Variants in SLC41A3 observed in about 807,000 individuals in gnomAD.
SLC41A3 encodes solute carrier family 41 member 3, also known as SLC41A1-like 2.
SLC41A3 carries 44 observed loss-of-function variants against 45.4 expected under a neutral mutation model. The ratio of observed to expected loss-of-function variants is 0.97; its 90% CI spans 0.76 to 1.25. The LOEUF is 1.25. Among genes scored for constraint, SLC41A3 ranks in the 50% most tolerant of loss-of-function variants. The probability of loss-of-function intolerance (pLI) is 0.00; values close to 1 mark genes in which losing one functional copy is unlikely to be tolerated. For synonymous variants in SLC41A3, 256 were observed against 252.4 expected (o/e 1.01, Z -0.13); for missense variants, 550 against 600.6 (o/e 0.92, Z 0.88).
At chr3:126,073,625 G>T (rs1162301751) in intron 1 of SLC41A3, among the ~76,000 whole-genome samples, 2 of 152,026 alleles carry the variant, frequency 1.3e-5, no homozygotes, top group Non-Finnish European at 2.9e-5. Context: ...AAACCTAGAT[G>T]AAATGTACAA....
At chr3:126,085,443 A>G (rs998777761), upstream of SLC41A3, 7 of 152,210 alleles carry the variant, frequency 4.6e-5, no homozygotes, top group African/African-American at 1.7e-4. Context: ...CTGAACTCGG[A>G]GCGAAGATAC....
At chr3:126,008,194 T>G (rs1580372775) in intron 10 of SLC41A3, among the ~76,000 whole-genome samples, 2 of 152,382 alleles carry the variant, frequency 1.3e-5, no homozygotes, top group Non-Finnish European at 2.9e-5. Flanking sequence ...GTGTGCCGTG[T>G]CTAGCATGCA....
chr3:126,056,888 A>C (rs990004961), intron 2 of SLC41A3: 7 of 1,149,296 alleles, frequency 6.1e-6, no homozygotes, highest in Non-Finnish European at 1.1e-6. Flanking sequence ...ATGGAGGCTC[A>C]TGGTCCCTCT....
At chr3:126,091,698 T>C (rs1273304153) in intron 1 of SLC41A3, among the ~76,000 whole-genome samples, 1 of 152,126 alleles carries the variant, frequency 6.6e-6, no homozygotes, top group Non-Finnish European at 1.5e-5. Context: ...GAAAAAGACA[T>C]GGAAAGGGAA....
chr3:126,038,829 C>T lies in SLC41A3; in HGVS notation c.382-5151G>A, dbSNP rs186646678. Among the ~76,000 whole-genome samples, 236 of 152,220 alleles carry T rather than the reference C, an allele frequency of 1.6e-3. 1 individual carries two copies. The highest frequency in any genetic ancestry group is 5.1e-3 in the African/African-American group (212 of 41,544). ...ATCTGGTTTGGATATTTATCCCTTC[C>T]AAATCTCATGTTGAAATGTGATCCC... On this transcript the variant is annotated intron_variant, in intron 3 of 10. Transcript: ENST00000360370.
intron 2 of SLC41A3, among the ~76,000 whole-genome samples, chr3:126,066,071 C>T (rs1322409175): frequency 5.3e-5 from 8 of 152,168 alleles, no homozygotes; most frequent in Admixed American, 5.2e-4. Flanking sequence ...TGATTCTCAC[C>T]AACAGAAGCA....
Position 126,026,553 on chromosome 3 carries a change from C to G in SLC41A3, c.454-74G>C. The G allele has an allele frequency of 6.5e-7, 1 of 1,543,316 alleles. No individual in the cohort carries two copies. The highest frequency in any genetic ancestry group is 1.4e-5 in the African/African-American group (1 of 73,426). The stretch of plus-strand genomic sequence containing the variant: ...CACACTCCCTGCCCTTCACACCTCA[C>G]TCACCGCAAGGGGCCGGGTGCCACA... On this transcript the variant is annotated intron_variant, in intron 4 of 10. Coordinates refer to ENST00000360370, the MANE Select transcript of SLC41A3 (RefSeq NM_017836.4). This position sits in a 1 kb window ranked among gnomAD's most constrained non-coding sequence, Gnocchi z 4.2.
At chr3:126,049,204 G>A (rs1304645025) in intron 3 of SLC41A3, among the ~76,000 whole-genome samples, 4 of 151,482 alleles carry the variant, frequency 2.6e-5, no homozygotes, top group Non-Finnish European at 5.9e-5. Flanking sequence ...ATGTAGTTAC[G>A]GGCTGGGCAC....
At chr3:126,041,444 C>A (rs1440939339) in intron 3 of SLC41A3, among the ~76,000 whole-genome samples, 2 of 152,080 alleles carry the variant, frequency 1.3e-5, no homozygotes, top group Non-Finnish European at 2.9e-5. Flanking sequence ...AGAAAAAAAT[C>A]TCCAAAAAGT....
At chr3:126,087,263 T>G (rs995731421), upstream of SLC41A3, among the ~76,000 whole-genome samples, 4 of 152,098 alleles carry the variant, frequency 2.6e-5, no homozygotes, top group Non-Finnish European at 5.9e-5. Flanking sequence ...AAGTTCATTA[T>G]TGAAGTAAAC....
At chr3:126,023,063 C>T in intron 5 of SLC41A3, 131 bp from the exon 6 acceptor site, 1 of 1,251,004 alleles carries the variant, frequency 8.0e-7, no homozygotes. Context: ...TGCTCATTAA[C>T]TTGCCTCCCT....
At chr3:126,078,814 T>C (rs1559889797) in intron 1 of SLC41A3, among the ~76,000 whole-genome samples, 1 of 152,074 alleles carries the variant, frequency 6.6e-6, no homozygotes, top group Non-Finnish European at 1.5e-5. Flanking sequence ...CCTCAGTTTC[T>C]CCCCTCTACC....
In SLC41A3 at chr3:126,006,792, T is replaced by C; in HGVS notation, c.*224A>G. The C allele has an allele frequency of 6.9e-7, 1 of 1,443,252 alleles. No individual in the cohort carries two copies. The highest frequency in any genetic ancestry group is 2.8e-5 in the Admixed American group (1 of 35,154). The allele number at this position is 1,443,252 out of a possible 1,614,324, so 89.4% of individuals were successfully genotyped here. A position where few individuals can be genotyped will look rare whatever the true frequency, so the allele number is the denominator to read the frequency against. ...GCTCATTAAGCATGTGCACACATCA[T>C]ATTCACACACTCAAGCCATGCTCTT... On this transcript the variant is annotated 3_prime_UTR_variant, in exon 11 of 11. Transcript: ENST00000360370.
intron 6 of SLC41A3, among the ~76,000 whole-genome samples, chr3:126,021,628 C>G (rs1940890951): frequency 6.6e-6 from 1 of 152,148 alleles, no homozygotes; most frequent in Non-Finnish European, 1.5e-5. Context: ...CTCATTATTT[C>G]AGGGGGACAG....
At chr3:126,078,715 C>T (rs1469852103) in intron 1 of SLC41A3, among the ~76,000 whole-genome samples, 2 of 152,140 alleles carry the variant, frequency 1.3e-5, no homozygotes, top group Non-Finnish European at 2.9e-5. Context: ...TAAAAGAGCA[C>T]CAGAAAGGCC....
intron 6 of SLC41A3, among the ~76,000 whole-genome samples, chr3:126,018,674 G>A (rs1340619871): frequency 6.6e-6 from 1 of 152,220 alleles, no homozygotes; most frequent in Non-Finnish European, 1.5e-5. Flanking sequence ...CTTTGTCTGG[G>A]CACTTCTTCA....
At chr3:126,057,516 CA>C (rs1943748889) in intron 2 of SLC41A3, among the ~76,000 whole-genome samples, 1 of 152,212 alleles carries the variant, frequency 6.6e-6, no homozygotes, top group African/African-American at 2.4e-5. Flanking sequence ...GTCAGACTCA[CA>C]CCAGCTGAAC....
At chr3:126,042,824 A>G (rs143876423) in intron 3 of SLC41A3, among the ~76,000 whole-genome samples, 14 of 152,302 alleles carry the variant, frequency 9.2e-5, no homozygotes, top group African/African-American at 3.4e-4. Context: ...CAAATTTGAA[A>G]ACAGGTCATT....
chr3:126,044,017 A>G (rs1942778728), intron 3 of SLC41A3, among the ~76,000 whole-genome samples: 1 of 152,190 alleles, frequency 6.6e-6, no homozygotes, highest in Non-Finnish European at 1.5e-5. Context: ...ACAAAACAAA[A>G]CAAAAAACAG....
Sources: gnomAD v4.1 joint callset for allele counts (sites outside exome capture counted in the v4.1 genomes callset) on GRCh38, gnomAD v4.1.1 for gene constraint, Gnocchi (gnomAD v3.1) non-coding constraint, MANE v1.5 for transcripts, NCBI Gene and HGNC (gene_info 2026-07-23, HGNC 2026-07-21) for gene names.